Variants in RAPH1 observed in about 807,000 individuals in gnomAD.
RAPH1 encodes Ras association (RalGDS/AF-6) and pleckstrin homology domains 1.
Under a neutral mutation model 88.1 loss-of-function variants are expected in RAPH1, and 18 were observed. That is an observed-to-expected ratio of 0.20 (90% CI 0.14 to 0.30). The LOEUF is 0.30. RAPH1 is among the 10% of genes least tolerant of loss of function. The pLI is 1.00. For missense variants in RAPH1, 1,448 were observed against 1,543.2 expected (o/e 0.94, Z 1.03); for synonymous variants, 587 against 559.0 (o/e 1.05, Z -0.71).
chr2:203,494,809 CA>C (rs1219525479), intron 2 of RAPH1, among the ~76,000 whole-genome samples: 58 of 49,584 alleles, frequency 1.2e-3, no homozygotes, highest in Non-Finnish European at 1.3e-3. Flanking sequence ...GACTCCGTCT[CA>C]AAAAAAAAAA....
At chr2:203,472,549 T>C (rs1428042069) in intron 4 of RAPH1, among the ~76,000 whole-genome samples, 1 of 152,234 alleles carries the variant, frequency 6.6e-6, no homozygotes, top group Non-Finnish European at 1.5e-5. Flanking sequence ...GGTAAACATG[T>C]ACTGCTACAC....
intron 4 of RAPH1, among the ~76,000 whole-genome samples, chr2:203,482,816 CA>C (rs1279952434): frequency 7.0e-6 from 1 of 143,364 alleles, no homozygotes; most frequent in Non-Finnish European, 1.5e-5. Flanking sequence ...AAAAACAAAA[CA>C]AAACAAAACA....
chr2:203,464,650 G>A (rs746178089), intron 4 of RAPH1, among the ~76,000 whole-genome samples: 5 of 152,072 alleles, frequency 3.3e-5, no homozygotes, highest in Non-Finnish European at 7.3e-5. Flanking sequence ...TTTACAAGAT[G>A]CCCTCAAAGC....
At chr2:203,457,037 T>C (rs929005915) in intron 8 of RAPH1, among the ~76,000 whole-genome samples, 4 of 152,082 alleles carry the variant, frequency 2.6e-5, no homozygotes, top group African/African-American at 4.8e-5. Context: ...TAAAGGGTCT[T>C]CAGTGGCCTA....
rs779316590 is a variant in RAPH1, at chr2:203,454,474, G to A, written c.1369C>T (p.Arg457Trp). 46 of 1,613,332 alleles carry A rather than the reference G, an allele frequency of 2.9e-5. No individual in the cohort carries two copies. The highest frequency in any genetic ancestry group is 3.6e-5 in the Non-Finnish European group (42 of 1,179,778). Reference protein sequence around the residue: ...HVNVYYGQDYRNKYKAPTDYC... With the variant: ...HVNVYYGQDYWNKYKAPTDYC... ...TCTGTAGGTGCTTTGTATTTGTTCC[G>A]ATAGTCCTGGCCATAATAAACGTTG... Residue 457 changes from arginine to tryptophan, a missense_variant, in exon 10 of 14, where the codon CGG becomes TGG. Around this residue, in one of 2 missense-constraint regions of RAPH1, gnomAD observed 513 missense variants for 653.1 expected, o/e 0.79. Transcript: ENST00000319170.
At chr2:203,446,079 C>T (rs890934940) in intron 12 of RAPH1, 1 of 152,202 alleles carries the variant, frequency 6.6e-6, no homozygotes, top group Non-Finnish European at 1.5e-5. Flanking sequence ...ACGCTCCACA[C>T]TTTATTTGGA....
At chr2:203,473,106 C>A (rs958863459) in intron 4 of RAPH1, among the ~76,000 whole-genome samples, 2 of 151,408 alleles carry the variant, frequency 1.3e-5, no homozygotes, top group African/African-American at 4.9e-5. Context: ...CTAGCAGAAA[C>A]AACAAACATG....
rs1320393652 is a variant in RAPH1 at position 203,438,503 on chromosome 2, CAT to C, written c.*932_*933del. The C allele has an allele frequency of 2.0e-5, 5 of 244,326 alleles. No individual in the cohort carries two copies. The highest frequency in any genetic ancestry group is 3.2e-5 in the Non-Finnish European group (4 of 123,662). The allele number at this position is 244,326 out of a possible 1,614,324, so 15.1% of individuals were successfully genotyped here. A position where few individuals can be genotyped will look rare whatever the true frequency, so the allele number is the denominator to read the frequency against. Reference sequence around the variant, plus strand: ...AAGAAGGTAACTGGTGACCCAAAGACATACTGGGACAGAACATTACAGAGATA... The same window carrying C: ...AAGAAGGTAACTGGTGACCCAAAGACACTGGGACAGAACATTACAGAGATA... On this transcript the variant is annotated 3_prime_UTR_variant, in exon 14 of 14. Transcript: ENST00000319170.
At chr2:203,522,951 G>A (rs2105973975) in intron 1 of RAPH1, among the ~76,000 whole-genome samples, 1 of 150,606 alleles carries the variant, frequency 6.6e-6, no homozygotes, top group East Asian at 2.0e-4. Context: ...AGTAGGGGAG[G>A]AATGAATTTT....
rs1402779203 is a variant in RAPH1 at position 203,506,897 on chromosome 2, TA to T, written c.1-11545del. 1.4e-3 allele frequency among the ~76,000 whole-genome samples: 147 copies of T among 108,370 alleles called. 16 individuals are homozygous for T. Among genetic ancestry groups the T allele is most frequent in the African/African-American group, 5.6e-3 (119 of 21,254 alleles). 71.1% of individuals were successfully genotyped at this position (108,370 alleles called of 152,430 possible). On this transcript the variant is annotated intron_variant, in intron 1 of 13. Transcript: ENST00000319170. ...ATATATATAGATATATATATATATA[TA>T]TTTTTTTTTTTTTTGAGATGAACTT...
chr2:203,531,669 A>G (rs908021556), intron 1 of RAPH1, among the ~76,000 whole-genome samples: 3 of 152,230 alleles, frequency 2.0e-5, no homozygotes, highest in African/African-American at 4.8e-5. Context: ...AATCAAAACC[A>G]CAATGAAATA....
At chr2:203,505,128 C>T (rs1039782483) in intron 1 of RAPH1, among the ~76,000 whole-genome samples, 5 of 152,186 alleles carry the variant, frequency 3.3e-5, no homozygotes, top group South Asian at 4.1e-4. Flanking sequence ...GACACTTCTA[C>T]GTTTTTGGGT....
chr2:203,439,506 C>G lies in RAPH1; in HGVS notation c.3684G>C (p.Thr1228=). Residue 1228 remains threonine, a synonymous_variant, in exon 14 of 14, where the codon ACG becomes ACC. Transcript: ENST00000319170. ...GAGCAGGAGGGGGTCCTCTCCGCAA[C>G]GTTGCATAGCCTGATATATGACTGC... ...YGGSHISGYA[T]LRRGPPPAPP... is the part of the protein sequence containing the mutation. 1 of 1,614,046 alleles carries G rather than the reference C, an allele frequency of 6.2e-7. No individual in the cohort carries two copies. Among genetic ancestry groups the G allele is most frequent in the Non-Finnish European group, 8.5e-7 (1 of 1,180,018 alleles).
intron 1 of RAPH1, among the ~76,000 whole-genome samples, chr2:203,533,657 C>T (rs189754563): frequency 1.3e-5 from 2 of 152,142 alleles, no homozygotes; most frequent in East Asian, 3.9e-4. Context: ...CTCTCTTCTT[C>T]GCTCTCCTAT....
chr2:203,534,216 T>G (rs1196196639), intron 1 of RAPH1, among the ~76,000 whole-genome samples: 3 of 152,132 alleles, frequency 2.0e-5, no homozygotes, highest in Non-Finnish European at 4.4e-5. Context: ...CATCAACCCT[T>G]ATTGGAAGAT....
chr2:203,461,187 G>T, intron 6 of RAPH1, 62 bp downstream of exon 6: 1 of 1,001,218 alleles, frequency 1.0e-6, no homozygotes, highest in Non-Finnish European at 1.4e-6. Flanking sequence ...GTTTTTATCA[G>T]CATGAAAACT....
chr2:203,485,499 A>G (rs1016628232), intron 4 of RAPH1, among the ~76,000 whole-genome samples: 2 of 152,084 alleles, frequency 1.3e-5, no homozygotes, highest in Admixed American at 6.6e-5. Flanking sequence ...ATTCATGGAC[A>G]GTCTTCCTGG....
intron 10 of RAPH1, among the ~76,000 whole-genome samples, chr2:203,452,390 T>C (rs1318521122): frequency 6.6e-6 from 1 of 152,182 alleles, no homozygotes; most frequent in Non-Finnish European, 1.5e-5. Context: ...AAAATATCTT[T>C]CTCCTCAGGG....
In RAPH1 at chr2:203,506,760, A is replaced by ATATATATATC. The variant is rs1373006381; in HGVS notation, c.1-11417_1-11408dup. On this transcript the variant is annotated intron_variant, in intron 1 of 13. Coordinates refer to ENST00000319170, the MANE Select transcript of RAPH1 (RefSeq NM_213589.3). ...TATATATCTATATATATATATATCT[A>ATATATATATC]TATATATATCTATATATATCTAGAT... Among the ~76,000 whole-genome samples the ATATATATATC allele has an allele frequency of 1.6e-4, 21 of 132,092 alleles. 2 individuals are homozygous for ATATATATATC. Among genetic ancestry groups the ATATATATATC allele is most frequent in the Admixed American group, 6.2e-4 (8 of 12,940 alleles). The allele number at this position is 132,092 out of a possible 152,430, so 86.7% of individuals were successfully genotyped here.
Sources: gnomAD v4.1 joint callset for allele counts (sites outside exome capture counted in the v4.1 genomes callset) on GRCh38, gnomAD v4.1.1 for gene constraint, gnomAD v4.1.1 regional missense constraint, MANE v1.5 for transcripts, NCBI Gene and HGNC (gene_info 2026-07-23, HGNC 2026-07-21) for gene names.